Variants in TAF3 observed in about 807,000 individuals in gnomAD.
The protein encoded by TAF3 is TATA-box binding protein associated factor 3, also known as transcription initiation factor TFIID subunit 3.
In TAF3, 7 loss-of-function variants were observed where a neutral mutation model predicts 80.6. That is an observed-to-expected ratio of 0.09 (90% CI 0.05 to 0.16). TAF3 has a LOEUF of 0.16. Ranked by LOEUF, TAF3 falls within the 10% of genes least tolerant of loss-of-function variation. The pLI, the probability that TAF3 is intolerant of heterozygous loss-of-function variation, is 1.00. For synonymous variants in TAF3, 444 were observed against 446.1 expected (o/e 1.00, Z 0.06); for missense variants, 921 against 1,140.2 (o/e 0.81, Z 2.77).
At chr10:7,826,431 C>A (rs1197711364) in intron 2 of TAF3, among the ~76,000 whole-genome samples, 1 of 149,672 alleles carries the variant, frequency 6.7e-6, no homozygotes, top group Non-Finnish European at 1.5e-5. Context: ...GTATGAAAAA[C>A]AATTTAGTGT....
In TAF3 at chr10:7,873,623, C is replaced by CCG. The variant is rs1554779074; in HGVS notation, c.409+49064_409+49065insGC. Among the ~76,000 whole-genome samples the CCG allele has an allele frequency of 1.8e-4, 17 of 96,538 alleles. 2 individuals are homozygous for CCG. Among genetic ancestry groups the CCG allele is most frequent in the South Asian group, 1.6e-3 (4 of 2,450 alleles). 63.3% of individuals were successfully genotyped at this position (96,538 alleles called of 152,430 possible). A position where few individuals can be genotyped will look rare whatever the true frequency, so the allele number is the denominator to read the frequency against. On this transcript the variant is annotated intron_variant, in intron 2 of 6. Transcript: ENST00000344293. ...AGGGAAGACATCCGAGTTCTCCCCC[C>CCG]CCCCCCGTCAAAAGGGGGTGTCGAA...
rs2131432750 is a variant in TAF3 at position 7,998,108 on chromosome 10, A to T, written c.2316-10970A>T. Among the ~76,000 whole-genome samples the T allele has an allele frequency of 2.0e-5, 3 of 151,890 alleles. No individual in the cohort carries two copies. In the South Asian group the frequency reaches 6.2e-4, roughly 31 times the overall value. ...TTGAATTTCAAAAGAGTTGGGAAAAATGGGTTACTTTAGTGCCTCTACACC... is the reference window on the plus strand; with the variant it reads ...TTGAATTTCAAAAGAGTTGGGAAAATTGGGTTACTTTAGTGCCTCTACACC... On this transcript the variant is annotated intron_variant, in intron 4 of 6. Transcript: ENST00000344293.
intron 2 of TAF3, among the ~76,000 whole-genome samples, chr10:7,900,949 A>T (rs1180781278): frequency 6.6e-6 from 1 of 152,168 alleles, no homozygotes; most frequent in Non-Finnish European, 1.5e-5. Context: ...TATTTTTTAA[A>T]TGGGTGCTTC....
chr10:7,835,130 T>G (rs1836839036), intron 2 of TAF3, among the ~76,000 whole-genome samples: 1 of 152,206 alleles, frequency 6.6e-6, no homozygotes, highest in Admixed American at 6.5e-5. Flanking sequence ...TGTCCAATCT[T>G]TTGGCTTCCC....
chr10:7,916,992 A>AT (rs1287814947), intron 2 of TAF3, among the ~76,000 whole-genome samples: 1 of 152,180 alleles, frequency 6.6e-6, no homozygotes, highest in Non-Finnish European at 1.5e-5. Flanking sequence ...ATTCATAGGG[A>AT]TCTGGGTTCA....
chr10:7,840,108 G>A (rs1486818668), intron 2 of TAF3, among the ~76,000 whole-genome samples: 1 of 151,390 alleles, frequency 6.6e-6, no homozygotes. Flanking sequence ...AAGTTTTAAT[G>A]TTTCTAAATT....
chr10:7,923,990 A>T (rs1331697652), intron 2 of TAF3, among the ~76,000 whole-genome samples: 1 of 152,186 alleles, frequency 6.6e-6, no homozygotes, highest in Non-Finnish European at 1.5e-5. Context: ...AATTTGATAG[A>T]AACAAAATTT....
chr10:7,859,022 G>T (rs1283475248), intron 2 of TAF3, among the ~76,000 whole-genome samples: 1 of 152,116 alleles, frequency 6.6e-6, no homozygotes, highest in African/African-American at 2.4e-5. Flanking sequence ...CAGCACTTTG[G>T]GAGGCTGAGG....
intron 1 of TAF3, 66 bp from the exon 2 acceptor site, chr10:7,824,252 T>G: frequency 6.5e-7 from 1 of 1,535,206 alleles, no homozygotes. Flanking sequence ...TACTTTTTCT[T>G]AATATTTAAA....
chr10:7,963,712 G>A (rs1383132804), intron 2 of TAF3, among the ~76,000 whole-genome samples: 3 of 152,058 alleles, frequency 2.0e-5, no homozygotes, highest in Non-Finnish European at 2.9e-5. Context: ...TAATGTAAAT[G>A]ATGAGTTGAT....
At chr10:7,922,229 A>G (rs536258363) in intron 2 of TAF3, among the ~76,000 whole-genome samples, 1 of 152,216 alleles carries the variant, frequency 6.6e-6, no homozygotes, top group East Asian at 1.9e-4. Flanking sequence ...TGAATAAGCA[A>G]ACTATCACTG....
intron 2 of TAF3, among the ~76,000 whole-genome samples, chr10:7,962,416 C>T (rs773174483): frequency 3.3e-5 from 5 of 152,170 alleles, no homozygotes; most frequent in Non-Finnish European, 5.9e-5. Flanking sequence ...ATACCCCACA[C>T]GTTTTTCTCT....
At chr10:8,010,373 A>T (rs751251103) in intron 5 of TAF3, among the ~76,000 whole-genome samples, 3 of 152,232 alleles carry the variant, frequency 2.0e-5, no homozygotes, top group Non-Finnish European at 4.4e-5. Context: ...CAATCTGTAA[A>T]TGTAGAGACG....
Position 7,925,283 on chromosome 10 carries a change from A to C in TAF3, c.410-38637A>C, listed in dbSNP as rs117672782. ...TACATTGGTGTGGACATGTGTGTGG[A>C]CCCTCTGGCAGGTCAGGCGAGGCTC... On this transcript the variant is annotated intron_variant, in intron 2 of 6. Coordinates refer to ENST00000344293, the MANE Select transcript of TAF3 (RefSeq NM_031923.4). 6.1e-3 allele frequency among the ~76,000 whole-genome samples: 927 copies of C among 152,080 alleles called. 7 individuals are homozygous for C. The highest frequency in any genetic ancestry group is 0.027 in the Middle Eastern group (8 of 294).
At chr10:7,845,630 A>G (rs1176831727) in intron 2 of TAF3, among the ~76,000 whole-genome samples, 1 of 151,426 alleles carries the variant, frequency 6.6e-6, no homozygotes. Flanking sequence ...ATCTGTGAGT[A>G]TTATAGCAGT....
At chr10:7,865,477 TCAAACAAACAAA>T (rs373125256) in intron 2 of TAF3, among the ~76,000 whole-genome samples, 362 of 147,288 alleles carry the variant, frequency 2.5e-3, no homozygotes, top group African/African-American at 8.0e-3. Flanking sequence ...AGACTCCGTC[TCAAACAAACAAA>T]CAAACAAACA....
chr10:7,912,964 T>G (rs1332945629), intron 2 of TAF3, among the ~76,000 whole-genome samples: 5 of 152,204 alleles, frequency 3.3e-5, no homozygotes, highest in African/African-American at 1.2e-4. Context: ...AGCAGTTGAT[T>G]TCTCCTAGTT....
chr10:7,969,183 A>T (rs1461193854), intron 3 of TAF3, among the ~76,000 whole-genome samples: 1 of 152,114 alleles, frequency 6.6e-6, no homozygotes, highest in Non-Finnish European at 1.5e-5. Context: ...CCTATTTTTT[A>T]AATTAACTAG....
intron 2 of TAF3, among the ~76,000 whole-genome samples, chr10:7,848,891 C>T (rs938390337): frequency 1.3e-5 from 2 of 152,166 alleles, no homozygotes; most frequent in Non-Finnish European, 2.9e-5. Flanking sequence ...ATGTAGCCTA[C>T]TGTGTCAGTA....
Sources: gnomAD v4.1 joint callset for allele counts (sites outside exome capture counted in the v4.1 genomes callset) on GRCh38, gnomAD v4.1.1 for gene constraint, MANE v1.5 for transcripts, NCBI Gene and HGNC (gene_info 2026-07-23, HGNC 2026-07-21) for gene names.